Variants in HMGXB4 observed in about 807,000 individuals in gnomAD.
The protein encoded by HMGXB4 is HMG domain-containing protein 4.
HMGXB4 carries 27 observed loss-of-function variants against 63.9 expected under a neutral mutation model. That is an observed-to-expected ratio of 0.42 (90% CI 0.31 to 0.58). The LOEUF is 0.58. Among genes scored for constraint, HMGXB4 ranks in the 20% least tolerant of loss-of-function variants. The pLI, the probability that HMGXB4 is intolerant of heterozygous loss-of-function variation, is 0.13. For synonymous variants in HMGXB4, 264 were observed against 265.3 expected, an observed-to-expected ratio of 0.99 and a Z score of 0.05; for missense variants, 624 against 700.7, an observed-to-expected ratio of 0.89 and a Z score of 1.24.
chr22:35,290,223 A>G (rs553784420), intron 9 of HMGXB4, among the ~76,000 whole-genome samples: 23 of 152,360 alleles, frequency 1.5e-4, no homozygotes. Flanking sequence ...ATTTTCCCAG[A>G]TATTTCCATT....
chr22:35,243,085 A>G, the HMGXB4 span, among the ~76,000 whole-genome samples: 4 of 152,154 alleles, frequency 2.6e-5, no homozygotes, highest in Non-Finnish European at 5.9e-5. Context: ...AAAAGAATGT[A>G]TGGGGCCAGG....
intron 1 of HMGXB4, chr22:35,261,742 G>C (rs1412848326): frequency 6.6e-6 from 1 of 152,186 alleles, no homozygotes; most frequent in Non-Finnish European, 1.5e-5. Context: ...TGCTTTTACA[G>C]TTACATAAAT....
rs1255442978 is a variant in HMGXB4, at chr22:35,287,377, C to T, written c.1393C>T (p.His465Tyr). 9 of 1,613,424 alleles carry T rather than the reference C, an allele frequency of 5.6e-6. No individual in the cohort carries two copies. The highest frequency in any genetic ancestry group is 7.6e-6 in the Non-Finnish European group (9 of 1,179,580). Residue 465 changes from histidine to tyrosine, a missense_variant, in exon 8 of 11, where the codon CAC (histidine) becomes TAC (tyrosine). Around this residue, in one of 2 missense-constraint regions of HMGXB4, gnomAD observed 152 missense variants for 230.1 expected, o/e 0.66. Transcript: ENST00000216106. ...GAAGCAAAAAGCTCAGTATCTGCAGCACAAACAGAACAAAGCAGAAGCCAC... is the reference window on the plus strand; with the variant it reads ...GAAGCAAAAAGCTCAGTATCTGCAGTACAAACAGAACAAAGCAGAAGCCAC... ...IWKQKAQYLQ[H>Y]KQNKAEATTV... is the part of the protein sequence containing the mutation.
Position 35,263,162 on chromosome 22 carries a change from A to AT in HMGXB4, c.122dup (p.Leu41PhefsTer22). On this transcript the variant is annotated frameshift_variant, in exon 3 of 11. Coordinates refer to ENST00000216106, the MANE Select transcript of HMGXB4 (RefSeq NM_001003681.3). LOFTEE classifies it high-confidence loss of function. Reference sequence around the variant, plus strand: ...CGAGAGAAAAAACGTTCTTACAAAGATTTTTTAAGGGAAGAGGAAGAAATT... The same window carrying AT: ...CGAGAGAAAAAACGTTCTTACAAAGATTTTTTTAAGGGAAGAGGAAGAAATT... 2 of 1,614,046 alleles carry AT rather than the reference A, an allele frequency of 1.2e-6. No individual in the cohort carries two copies. Among genetic ancestry groups the AT allele is most frequent in the Non-Finnish European group, 1.7e-6 (2 of 1,179,920 alleles).
the HMGXB4 span, among the ~76,000 whole-genome samples, chr22:35,243,184 A>G: frequency 6.6e-6 from 1 of 152,146 alleles, no homozygotes; most frequent in Non-Finnish European, 1.5e-5. Context: ...CAGCCTGGCC[A>G]ACATGGTGAA....
At chr22:35,244,951 G>A in the HMGXB4 span, among the ~76,000 whole-genome samples, 6 of 152,108 alleles carry the variant, frequency 3.9e-5, no homozygotes, top group South Asian at 2.1e-4. Context: ...TTACAGCACT[G>A]GGGAACAAAC....
chr22:35,274,721 T>C (rs1324365037), intron 5 of HMGXB4, among the ~76,000 whole-genome samples: 1 of 152,240 alleles, frequency 6.6e-6, no homozygotes, highest in African/African-American at 2.4e-5. Context: ...ATTATATTCA[T>C]TGATGTGGTG....
intron 5 of HMGXB4, among the ~76,000 whole-genome samples, chr22:35,268,762 A>T (rs934047979): frequency 3.9e-5 from 6 of 152,200 alleles, no homozygotes; most frequent in African/African-American, 1.4e-4. Context: ...CTCCCTTTTC[A>T]GCTTTACCTC....
chr22:35,290,418 G>A (rs544876686), intron 9 of HMGXB4, among the ~76,000 whole-genome samples: 1 of 152,156 alleles, frequency 6.6e-6, no homozygotes, highest in South Asian at 2.1e-4. Context: ...GGCCGAGGCA[G>A]GCAGATCATG....
chr22:35,287,585 C>A (rs1160478494), intron 8 of HMGXB4, 133 bp downstream of exon 8: 11 of 648,828 alleles, frequency 1.7e-5, no homozygotes, highest in Non-Finnish European at 2.5e-5. Context: ...GGGAATGTTA[C>A]AAGCTACCAA....
At chr22:35,292,959 G>GT (rs1569008436) in intron 9 of HMGXB4, 33 bp from the exon 10 acceptor site, 63 of 1,614,068 alleles carry the variant, frequency 3.9e-5, no homozygotes, top group Non-Finnish European at 5.3e-5. Context: ...CATCAGGAGT[G>GT]TGACTCAAGC....
intron 5 of HMGXB4, among the ~76,000 whole-genome samples, chr22:35,279,332 G>C (rs749892541): frequency 6.6e-6 from 1 of 151,788 alleles, no homozygotes; most frequent in Non-Finnish European, 1.5e-5. Flanking sequence ...ATTTTTAGTA[G>C]AGACAGGGTT....
At chr22:35,276,471 C>T (rs1923920786) in intron 5 of HMGXB4, among the ~76,000 whole-genome samples, 1 of 152,160 alleles carries the variant, frequency 6.6e-6, no homozygotes, top group African/African-American at 2.4e-5. Flanking sequence ...TATCTCCTGT[C>T]CCACTCACTC....
chr22:35,254,422 A>G (rs1370844004), upstream of HMGXB4, among the ~76,000 whole-genome samples: 1 of 152,230 alleles, frequency 6.6e-6, no homozygotes, highest in African/African-American at 2.4e-5. Flanking sequence ...CATTCAAGGA[A>G]CTATGATCTC....
intron 5 of HMGXB4, among the ~76,000 whole-genome samples, chr22:35,266,001 C>T (rs904402927): frequency 6.7e-6 from 1 of 149,504 alleles, no homozygotes; most frequent in Non-Finnish European, 1.5e-5. Flanking sequence ...GTTGGCCAGG[C>T]TGGTCTCAAA....
chr22:35,279,956 T>G (rs1260957808), intron 5 of HMGXB4, among the ~76,000 whole-genome samples: 2 of 152,178 alleles, frequency 1.3e-5, no homozygotes, highest in Non-Finnish European at 2.9e-5. Flanking sequence ...CAATACTGCC[T>G]TGTCCATTCT....
the HMGXB4 span, among the ~76,000 whole-genome samples, chr22:35,248,527 C>A: frequency 6.6e-6 from 1 of 151,510 alleles, no homozygotes; most frequent in Admixed American, 6.6e-5. Flanking sequence ...CTGCCACCTT[C>A]CCGAGTAGCT....
rs376317545 is a variant in HMGXB4 at position 35,294,654 on chromosome 22, T to C, written c.*1003T>C. The C allele has an allele frequency of 2.6e-5, 4 of 152,768 alleles. No homozygotes were observed. Among genetic ancestry groups the C allele is most frequent in the East Asian group, 3.9e-4 (2 of 5,192 alleles). 9.5% of individuals were successfully genotyped at this position (152,768 alleles called of 1,614,324 possible). A position where few individuals can be genotyped will look rare whatever the true frequency, so the allele number is the denominator to read the frequency against. On this transcript the variant is annotated 3_prime_UTR_variant, in exon 11 of 11. Transcript: ENST00000216106. ...ATTTATGTGTGTGTGAATGTGTATTTTAATTATGTGTATTTAACTCTTTAA... is the reference window on the plus strand; with the variant it reads ...ATTTATGTGTGTGTGAATGTGTATTCTAATTATGTGTATTTAACTCTTTAA...
At chr22:35,288,513 G>A (rs1431669115) in intron 9 of HMGXB4, 106 bp downstream of exon 9, 21 of 763,920 alleles carry the variant, frequency 2.7e-5, no homozygotes, top group Non-Finnish European at 4.0e-5. Flanking sequence ...TCTACTTTAT[G>A]CTAAATTATG....
Sources: gnomAD v4.1 joint callset for allele counts (sites outside exome capture counted in the v4.1 genomes callset) on GRCh38, gnomAD v4.1.1 for gene constraint, gnomAD v4.1.1 regional missense constraint, MANE v1.5 for transcripts, NCBI Gene and HGNC (gene_info 2026-07-23, HGNC 2026-07-21) for gene names.